The following DPP10 variants were observed in gnomAD, a reference collection of about 807,000 sequenced individuals.
The protein encoded by DPP10 is dipeptidyl peptidase like 10.
In DPP10, 33 loss-of-function variants were observed where a neutral mutation model predicts 120.9. That is an observed-to-expected ratio of 0.27 (90% CI 0.21 to 0.37). The LOEUF (loss-of-function observed/expected upper bound fraction) is 0.37, where lower values mean the gene tolerates loss of function less well. Ranked by LOEUF, DPP10 falls within the 10% of genes least tolerant of loss-of-function variation. The pLI, the probability that DPP10 is intolerant of heterozygous loss-of-function variation, is 1.00. For synonymous variants in DPP10, 337 were observed against 326.1 expected (o/e 1.03, Z -0.36); for missense variants, 816 against 942.8 (o/e 0.87, Z 1.76).
intron 4 of DPP10, among the ~76,000 whole-genome samples, chr2:115,518,734 A>G (rs1386058447): frequency 6.6e-6 from 1 of 152,122 alleles, no homozygotes; most frequent in African/African-American, 2.4e-5. Flanking sequence ...AAATTAAGTA[A>G]CTTTCTACTG....
At chr2:115,330,825 G>C (rs2062681773) in intron 2 of DPP10, among the ~76,000 whole-genome samples, 2 of 152,128 alleles carry the variant, frequency 1.3e-5, no homozygotes. Flanking sequence ...TTTGGTTACT[G>C]TAGCCTTGTA....
intron 1 of DPP10, among the ~76,000 whole-genome samples, chr2:114,482,959 AT>A (rs1681190327): frequency 6.6e-6 from 1 of 152,206 alleles, no homozygotes; most frequent in African/African-American, 2.4e-5. Flanking sequence ...GATTATTTTA[AT>A]TTAGTCTGAC....
At chr2:115,694,460 C>T (rs2091477190) in intron 7 of DPP10, among the ~76,000 whole-genome samples, 1 of 152,030 alleles carries the variant, frequency 6.6e-6, no homozygotes, top group African/African-American at 2.4e-5. Flanking sequence ...TTGAGGAGAA[C>T]TTTCAATAGC....
chr2:114,907,652 G>A lies in DPP10; in HGVS notation c.61-401587G>A, dbSNP rs182592450. Among the ~76,000 whole-genome samples the A allele has an allele frequency of 5.7e-3, 868 of 152,028 alleles. 10 individuals are homozygous for A. Among genetic ancestry groups the A allele is most frequent in the African/African-American group, 0.02 (840 of 41,512 alleles). ...TTCCAATTTAGTTTTATTATGGCTG[G>A]AAAACATGTATGATCTCAATTTTAT... On this transcript the variant is annotated intron_variant, in intron 1 of 25. Transcript: ENST00000410059.
At chr2:115,118,217 T>G (rs1208082090) in intron 1 of DPP10, among the ~76,000 whole-genome samples, 1 of 152,144 alleles carries the variant, frequency 6.6e-6, no homozygotes, top group African/African-American at 2.4e-5. Flanking sequence ...TCCCAAATAT[T>G]TCTTGAGTCT....
intron 3 of DPP10, among the ~76,000 whole-genome samples, chr2:115,357,944 G>A (rs911588164): frequency 6.6e-6 from 1 of 152,128 alleles, no homozygotes; most frequent in Non-Finnish European, 1.5e-5. Context: ...TGAAGAGGCT[G>A]GGACACAGTA....
chr2:115,322,640 A>T (rs72957703), intron 2 of DPP10, among the ~76,000 whole-genome samples: 1 of 152,314 alleles, frequency 6.6e-6, no homozygotes, highest in African/African-American at 2.4e-5. Context: ...TATGATTCAT[A>T]ATAGTTTCTA....
At chr2:115,264,169 ATTC>A (rs1422707464) in intron 1 of DPP10, among the ~76,000 whole-genome samples, 2 of 152,190 alleles carry the variant, frequency 1.3e-5, no homozygotes, top group Non-Finnish European at 1.5e-5. Context: ...TGGTGGACAT[ATTC>A]TTATAATCTG....
intron 1 of DPP10, among the ~76,000 whole-genome samples, chr2:115,171,523 G>C (rs1193713043): frequency 6.6e-6 from 1 of 151,864 alleles, no homozygotes; most frequent in African/African-American, 2.4e-5. Context: ...TCACACCTTT[G>C]TATTCAAATC....
intron 3 of DPP10, among the ~76,000 whole-genome samples, chr2:115,367,403 A>T (rs1194187718): frequency 6.6e-6 from 1 of 151,980 alleles, no homozygotes; most frequent in East Asian, 1.9e-4. Flanking sequence ...TTTCAGTGTA[A>T]TATGATGTCT....
At chr2:114,528,588 T>C (rs1001890291) in intron 1 of DPP10, among the ~76,000 whole-genome samples, 2 of 151,728 alleles carry the variant, frequency 1.3e-5, no homozygotes, top group Admixed American at 6.6e-5. Flanking sequence ...GACCAGTGGC[T>C]ACACCTGAGG....
chr2:115,134,995 A>G (rs966245445), intron 1 of DPP10, among the ~76,000 whole-genome samples: 1 of 152,062 alleles, frequency 6.6e-6, no homozygotes, highest in Non-Finnish European at 1.5e-5. Flanking sequence ...ATATGGCACT[A>G]ATTTGTGAAA....
intron 1 of DPP10, among the ~76,000 whole-genome samples, chr2:114,659,035 C>A (rs1322552714): frequency 6.6e-6 from 1 of 152,150 alleles, no homozygotes; most frequent in Non-Finnish European, 1.5e-5. Flanking sequence ...TACACACTCT[C>A]TCTTCTCTCT....
intron 7 of DPP10, among the ~76,000 whole-genome samples, chr2:115,716,907 C>T (rs1014258982): frequency 2.6e-5 from 4 of 152,200 alleles, no homozygotes; most frequent in Non-Finnish European, 5.9e-5. Context: ...TAGGCACAAA[C>T]CCACTGATAA....
chr2:114,878,498 T>C (rs1384296092), intron 1 of DPP10, among the ~76,000 whole-genome samples: 1 of 152,092 alleles, frequency 6.6e-6, no homozygotes, highest in African/African-American at 2.4e-5. Context: ...ATAGTCTCTC[T>C]ACTGTGCTAT....
intron 1 of DPP10, among the ~76,000 whole-genome samples, chr2:115,001,079 T>A (rs7423711): frequency 0.4 from 61,305 of 151,982 alleles, 12,576 homozygotes; most frequent in South Asian, 0.55. Flanking sequence ...TGTTTTACTC[T>A]ACCTGTAACA....
At chr2:115,387,201 C>A (rs552347640) in intron 3 of DPP10, among the ~76,000 whole-genome samples, 12 of 152,224 alleles carry the variant, frequency 7.9e-5, no homozygotes, top group Admixed American at 7.2e-4. Context: ...GCACCACCCC[C>A]ACACTTGTTT....
intron 1 of DPP10, among the ~76,000 whole-genome samples, chr2:114,644,376 G>A (rs1359360296): frequency 1.3e-5 from 2 of 151,534 alleles, no homozygotes; most frequent in African/African-American, 4.9e-5. Flanking sequence ...CTGTGTGTGT[G>A]TGTATTATAT....
chr2:115,134,209 A>T (rs2050529964), intron 1 of DPP10, among the ~76,000 whole-genome samples: 1 of 152,212 alleles, frequency 6.6e-6, no homozygotes, highest in Non-Finnish European at 1.5e-5. Context: ...AAATTCACAG[A>T]ACTCCTTCTG....
Sources: gnomAD v4.1 joint callset for allele counts (sites outside exome capture counted in the v4.1 genomes callset) on GRCh38, gnomAD v4.1.1 for gene constraint, MANE v1.5 for transcripts, NCBI Gene and HGNC (gene_info 2026-07-23, HGNC 2026-07-21) for gene names.